Variants in PLXNA4 observed in about 807,000 individuals in gnomAD.
PLXNA4 encodes the protein plexin A4, also known as plexin-A4.
Under a neutral mutation model 191.8 loss-of-function variants are expected in PLXNA4, and 44 were observed. That is an observed-to-expected ratio of 0.23 (90% CI 0.18 to 0.29). The LOEUF (loss-of-function observed/expected upper bound fraction) is 0.29, where lower values mean the gene tolerates loss of function less well. Ranked by LOEUF, PLXNA4 falls within the 10% of genes least tolerant of loss-of-function variation. The pLI is 1.00. For missense variants in PLXNA4, 1,800 were observed against 2,488.8 expected (o/e 0.72, Z 5.89); for synonymous variants, 1,082 against 1,009.5 (o/e 1.07, Z -1.36).
intron 13 of PLXNA4, among the ~76,000 whole-genome samples, chr7:132,196,532 T>C (rs532139978): frequency 6.6e-6 from 1 of 152,360 alleles, no homozygotes; most frequent in East Asian, 1.9e-4. Context: ...GAATTCCCTA[T>C]TTTTACACAT....
At position 132,132,492 on chromosome 7, in the gene PLXNA4, A is replaced by C. The variant is rs1169710515; in HGVS notation, c.5589+557T>G. ...GCTCTGCTCTGCTCTGCTCTGCTCT[A>C]TTCTTTTCTATTCTATTCTATTCTA... is the stretch of plus-strand genomic sequence containing the variant. On this transcript the variant is annotated intron_variant, in intron 31 of 31. Coordinates refer to ENST00000321063, the MANE Select transcript of PLXNA4 (RefSeq NM_020911.2). Among the ~76,000 whole-genome samples the C allele has an allele frequency of 2.5e-4, 21 of 85,544 alleles. 2 individuals are homozygous for C. Among genetic ancestry groups the C allele is most frequent in the African/African-American group, 1.0e-3 (18 of 17,756 alleles). 56.1% of individuals were successfully genotyped at this position (85,544 alleles called of 152,430 possible).
chr7:132,619,564 T>C (rs1441267927), intron 2 of PLXNA4, among the ~76,000 whole-genome samples: 2 of 152,258 alleles, frequency 1.3e-5, no homozygotes, highest in Non-Finnish European at 2.9e-5. Context: ...AAATGTTTTG[T>C]ATTAATCAGG....
At chr7:132,232,854 G>T (rs150429312) in intron 5 of PLXNA4, among the ~76,000 whole-genome samples, 1 of 152,176 alleles carries the variant, frequency 6.6e-6, no homozygotes, top group African/African-American at 2.4e-5. Context: ...CGCTGGCCAG[G>T]CAAACAAATT....
intron 3 of PLXNA4, among the ~76,000 whole-genome samples, chr7:132,444,864 C>T (rs893284472): frequency 1.3e-5 from 2 of 151,952 alleles, no homozygotes; most frequent in Non-Finnish European, 2.9e-5. Context: ...TGTGTTAAAA[C>T]CCTTAAGATT....
intron 9 of PLXNA4, among the ~76,000 whole-genome samples, chr7:132,223,042 G>T (rs551143987): frequency 6.6e-6 from 1 of 152,116 alleles, no homozygotes. Flanking sequence ...TTGGAACCAC[G>T]CTTTGAAAAC....
chr7:132,428,962 C>A (rs73726058), intron 3 of PLXNA4, among the ~76,000 whole-genome samples: 10 of 152,206 alleles, frequency 6.6e-5, no homozygotes, highest in Admixed American at 4.6e-4. Flanking sequence ...GGCTTAGACC[C>A]TGAAGGAGAG....
At chr7:132,282,662 G>C (rs1251165644) in intron 4 of PLXNA4, among the ~76,000 whole-genome samples, 1 of 76,438 alleles carries the variant, frequency 1.3e-5, no homozygotes, top group Non-Finnish European at 2.6e-5. Context: ...AAAAAAAAAA[G>C]AAGCAGTAGT....
chr7:132,261,750 C>T (rs1295032328), intron 4 of PLXNA4, among the ~76,000 whole-genome samples: 2 of 152,228 alleles, frequency 1.3e-5, no homozygotes, highest in East Asian at 3.9e-4. Flanking sequence ...CCTCCGAGCA[C>T]ATCCTCTGGG....
chr7:132,500,019 C>T (rs1798183001), intron 2 of PLXNA4, among the ~76,000 whole-genome samples: 1 of 152,186 alleles, frequency 6.6e-6, no homozygotes, highest in Non-Finnish European at 1.5e-5. Context: ...CTTCTCTCCA[C>T]TGACTTTCTT....
At chr7:132,413,744 C>T (rs1794554591) in intron 3 of PLXNA4, among the ~76,000 whole-genome samples, 1 of 152,152 alleles carries the variant, frequency 6.6e-6, no homozygotes, top group Non-Finnish European at 1.5e-5. Flanking sequence ...CAGGGTCTTC[C>T]TACTTGTGAT....
intron 4 of PLXNA4, among the ~76,000 whole-genome samples, chr7:132,286,744 C>A (rs182715289): frequency 6.6e-6 from 1 of 152,212 alleles, no homozygotes; most frequent in Non-Finnish European, 1.5e-5. Flanking sequence ...TGAGGTTGGA[C>A]TCAAATGGAT....
At chr7:132,181,677 C>G in intron 17 of PLXNA4, 57 bp from the exon 18 acceptor site, 1 of 1,593,544 alleles carries the variant, frequency 6.3e-7, no homozygotes. Context: ...CCCACAGCCC[C>G]AGTGCACATA....
intron 3 of PLXNA4, chr7:132,383,532 A>T (rs1212299966): frequency 1.0e-6 from 1 of 970,526 alleles, no homozygotes; most frequent in African/African-American, 1.8e-5. Flanking sequence ...TATTCATTGT[A>T]TCATGCTTTC....
intron 3 of PLXNA4, chr7:132,384,385 G>T: frequency 1.0e-6 from 1 of 985,550 alleles, no homozygotes; most frequent in Non-Finnish European, 1.2e-6. Context: ...ATGACACCAA[G>T]TGTTTCCACT....
chr7:132,383,339 G>A (rs1563068679), intron 3 of PLXNA4: 1 of 166,856 alleles, frequency 6.0e-6, no homozygotes, highest in Non-Finnish European at 1.2e-5. Context: ...GCTACCTAAA[G>A]CATTCCCTGG....
intron 2 of PLXNA4, among the ~76,000 whole-genome samples, chr7:132,604,868 G>C (rs891700210): frequency 6.6e-6 from 1 of 152,148 alleles, no homozygotes; most frequent in African/African-American, 2.4e-5. Context: ...ACCGGACTCT[G>C]ACCCTAGCCA....
chr7:132,610,262 G>A (rs1467966872), intron 2 of PLXNA4, among the ~76,000 whole-genome samples: 1 of 152,204 alleles, frequency 6.6e-6, no homozygotes, highest in Non-Finnish European at 1.5e-5. Context: ...TTTCTGGGAA[G>A]ATGGGAAACT....
At chr7:132,617,706 A>G (rs962777297) in intron 2 of PLXNA4, among the ~76,000 whole-genome samples, 2 of 152,184 alleles carry the variant, frequency 1.3e-5, no homozygotes, top group African/African-American at 4.8e-5. Context: ...AAGGACTGCT[A>G]CTGAATTACA....
intron 1 of PLXNA4, among the ~76,000 whole-genome samples, chr7:132,563,526 C>T (rs1801481483): frequency 9.0e-6 from 1 of 110,560 alleles, no homozygotes; most frequent in Non-Finnish European, 2.0e-5. Context: ...GCTGCTCCTC[C>T]TCCTCTTTCT....
Sources: gnomAD v4.1 joint callset for allele counts (sites outside exome capture counted in the v4.1 genomes callset) on GRCh38, gnomAD v4.1.1 for gene constraint, MANE v1.5 for transcripts, NCBI Gene and HGNC (gene_info 2026-07-23, HGNC 2026-07-21) for gene names.